CDH4: variants seen among roughly 807,000 people sequenced by gnomAD.
The protein encoded by CDH4 is cadherin 4, also known as cadherin-4.
In CDH4, 33 loss-of-function variants were observed where a neutral mutation model predicts 86.0. That is an observed-to-expected ratio of 0.38 (90% CI 0.29 to 0.51). CDH4 has a LOEUF of 0.51. CDH4 is among the 20% of genes least tolerant of loss of function. The probability of loss-of-function intolerance (pLI) is 0.86; values close to 1 mark genes in which losing one functional copy is unlikely to be tolerated. For synonymous variants in CDH4, 555 were observed against 549.4 expected (o/e 1.01, Z -0.14); for missense variants, 1,114 against 1,307.4 (o/e 0.85, Z 2.28).
chr20:61,855,664 T>C (rs1361446378), intron 6 of CDH4, among the ~76,000 whole-genome samples: 2 of 152,366 alleles, frequency 1.3e-5, no homozygotes, highest in East Asian at 3.9e-4. Context: ...AAAGCGCAAT[T>C]GGCTTTGCTC....
At chr20:61,283,553 G>A (rs1354673428) in intron 2 of CDH4, among the ~76,000 whole-genome samples, 3 of 132,856 alleles carry the variant, frequency 2.3e-5, no homozygotes, top group African/African-American at 5.6e-5. Flanking sequence ...GTGTGCTGTG[G>A]TGTGTGATGT....
intron 2 of CDH4, among the ~76,000 whole-genome samples, chr20:61,425,024 G>A (rs1273228735): frequency 3.3e-5 from 5 of 152,222 alleles, no homozygotes; most frequent in Non-Finnish European, 4.4e-5. Flanking sequence ...GTGCTGGCTC[G>A]TCCAGGAAAG....
Position 61,910,599 on chromosome 20 carries a change from G to T in CDH4, c.1366G>T (p.Val456Leu). 1.2e-6 allele frequency: 2 copies of T among 1,613,302 alleles called. No homozygotes were observed. Among genetic ancestry groups the T allele is most frequent in the Non-Finnish European group, 1.7e-6 (2 of 1,179,718 alleles). The change falls in exon 9 of 16, where the codon GTG becomes TTG. Residue 456 changes from valine to leucine, a missense_variant. This residue lies in a region of CDH4 where 705 missense variants were observed against 914.1 expected (regional missense o/e 0.77). Transcript: ENST00000614565. ...DPVTNEGMVTVVKAVDYELNR... is the reference protein window; with the variant it reads ...DPVTNEGMVTLVKAVDYELNR... ...CGTAACCAACGAGGGCATGGTCACCGTGGTGAAGGTGCGTACTCTTCTCAC... is the reference window on the plus strand; with the variant it reads ...CGTAACCAACGAGGGCATGGTCACCTTGGTGAAGGTGCGTACTCTTCTCAC...
rs116001316 is a variant in CDH4 at position 61,763,499 on chromosome 20, G to A, written c.397-9504G>A. On this transcript the variant is annotated intron_variant, in intron 3 of 15. Transcript: ENST00000614565. Reference sequence around the variant, plus strand: ...GTGCTCAGTTCAGGATTCCCAGGGAGCTCGTCCACCCTGCAGAGAGCCTCA... The same window carrying A: ...GTGCTCAGTTCAGGATTCCCAGGGAACTCGTCCACCCTGCAGAGAGCCTCA... 7.0e-3 allele frequency among the ~76,000 whole-genome samples: 1,071 copies of A among 152,344 alleles called. 19 individuals carry two copies. The highest frequency in any genetic ancestry group is 0.025 in the African/African-American group (1,028 of 41,584).
intron 2 of CDH4, among the ~76,000 whole-genome samples, chr20:61,514,042 G>A (rs6089406): frequency 0.023 from 3,524 of 152,360 alleles, 55 homozygotes; most frequent in South Asian, 0.044. Flanking sequence ...GTTTTTAAAG[G>A]CAGGGGCACG....
intron 2 of CDH4, among the ~76,000 whole-genome samples, chr20:61,345,803 A>G (rs1167634374): frequency 6.6e-6 from 1 of 152,206 alleles, no homozygotes; most frequent in African/African-American, 2.4e-5. Context: ...GTTACAAACT[A>G]GAGAGGTGGA....
intron 2 of CDH4, among the ~76,000 whole-genome samples, chr20:61,727,584 A>G (rs1333030796): frequency 2.0e-5 from 3 of 152,214 alleles, no homozygotes; most frequent in Admixed American, 2.0e-4. Context: ...TGCAGGCTAC[A>G]CAGGAAGTAT....
chr20:61,328,421 C>T (rs897599319), intron 2 of CDH4, among the ~76,000 whole-genome samples: 3 of 152,178 alleles, frequency 2.0e-5, no homozygotes, highest in Non-Finnish European at 2.9e-5. Context: ...GTGATCCACC[C>T]GCCTTGACCT....
chr20:61,789,138 G>C (rs1425084265), intron 4 of CDH4, among the ~76,000 whole-genome samples: 1 of 152,178 alleles, frequency 6.6e-6, no homozygotes, highest in Non-Finnish European at 1.5e-5. Context: ...CCAACCCGGG[G>C]AAAAGTCCTC....
Position 61,623,849 on chromosome 20 carries a change from A to AC in CDH4, c.170-119710dup, listed in dbSNP as rs1433439286. ...GGACACGGTTCCTAGAGCGAGGAAC[A>AC]CCCCAGAATCTGAGCAGGAAGGACA... is the stretch of plus-strand genomic sequence containing the variant. On this transcript the variant is annotated intron_variant, in intron 2 of 15. Coordinates refer to ENST00000614565, the MANE Select transcript of CDH4 (RefSeq NM_001794.5). This position sits in a 1 kb window ranked among gnomAD's most constrained non-coding sequence, Gnocchi z 4.4. 6.6e-6 allele frequency among the ~76,000 whole-genome samples: 1 copy of AC among 151,476 alleles called. No homozygotes were observed. Among genetic ancestry groups the AC allele is most frequent in the Non-Finnish European group, 1.5e-5 (1 of 67,898 alleles).
At chr20:61,542,217 A>T (rs2086044900) in intron 2 of CDH4, among the ~76,000 whole-genome samples, 1 of 152,158 alleles carries the variant, frequency 6.6e-6, no homozygotes, top group South Asian at 2.1e-4. Context: ...ATCCTGACTG[A>T]TAGAGGCTGC....
chr20:61,580,247 G>C (rs1241837781), intron 2 of CDH4, among the ~76,000 whole-genome samples: 2 of 152,278 alleles, frequency 1.3e-5, no homozygotes, highest in East Asian at 3.9e-4. Context: ...CTGAGGTCAT[G>C]AGTTCGAGAC....
intron 2 of CDH4, among the ~76,000 whole-genome samples, chr20:61,487,056 CAGG>C (rs2085600720): frequency 1.3e-5 from 2 of 152,128 alleles, no homozygotes; most frequent in Admixed American, 1.3e-4. Flanking sequence ...TGTTATCTTC[CAGG>C]AGTTTTATAG....
rs1022036508 is a variant in CDH4, at chr20:61,377,402, G to A, written c.169+122465G>A. Among the ~76,000 whole-genome samples, 7 of 151,994 alleles carry A rather than the reference G, an allele frequency of 4.6e-5. No individual in the cohort carries two copies. Among genetic ancestry groups the A allele is most frequent in the African/African-American group, 9.7e-5 (4 of 41,372 alleles). On this transcript the variant is annotated intron_variant, in intron 2 of 15. Coordinates refer to ENST00000614565, the MANE Select transcript of CDH4 (RefSeq NM_001794.5). This position sits in a 1 kb window ranked among gnomAD's most constrained non-coding sequence, Gnocchi z 4.0. ...TGTGGTCCAGGGCTCTGCCGGCCCC[G>A]CCTCCTGGTTGCCCCATTTCCTTCA...
intron 2 of CDH4, among the ~76,000 whole-genome samples, chr20:61,375,972 GGTA>G (rs1600914724): frequency 2.4e-5 from 2 of 84,868 alleles, no homozygotes; most frequent in Non-Finnish European, 5.2e-5. Context: ...TGGTGGTGAT[GGTA>G]TGGTTTGTTG....
At chr20:61,895,102 C>G in intron 8 of CDH4, 55 bp downstream of exon 8, 1 of 1,589,206 alleles carries the variant, frequency 6.3e-7, no homozygotes, top group South Asian at 1.1e-5. Context: ...CAGGAATGCA[C>G]TGGCGTGCGG....
chr20:61,640,822 T>C (rs1019352152), intron 2 of CDH4, among the ~76,000 whole-genome samples: 1 of 151,808 alleles, frequency 6.6e-6, no homozygotes, highest in Non-Finnish European at 1.5e-5. Context: ...GTAGCGGGAG[T>C]GTGGGCTACG....
rs6121988 is a variant in CDH4, at chr20:61,466,413, G to A, written c.169+211476G>A. 9.3e-3 allele frequency among the ~76,000 whole-genome samples: 1,417 copies of A among 152,280 alleles called. 24 individuals carry two copies. The highest frequency in any genetic ancestry group is 0.033 in the African/African-American group (1,378 of 41,550). On this transcript the variant is annotated intron_variant, in intron 2 of 15. Transcript: ENST00000614565. Reference sequence around the variant, plus strand: ...ATTGTAATAAGATCGTGCATAGCAGGTGCATCATATGACTAAAAGAAGAAA... The same window carrying A: ...ATTGTAATAAGATCGTGCATAGCAGATGCATCATATGACTAAAAGAAGAAA...
intron 8 of CDH4, among the ~76,000 whole-genome samples, chr20:61,897,552 G>C (rs1249443430): frequency 3.3e-5 from 5 of 152,100 alleles, no homozygotes; most frequent in Non-Finnish European, 7.4e-5. Flanking sequence ...CACCAGCACT[G>C]ACCAGCCACC....
Sources: allele counts gnomAD v4.1 joint callset (sites outside exome capture counted in the v4.1 genomes callset), GRCh38; gene constraint gnomAD v4.1.1; regional missense constraint gnomAD v4.1.1; non-coding constraint Gnocchi (gnomAD v3.1); transcripts MANE v1.5; gene names NCBI Gene and HGNC (gene_info 2026-07-23, HGNC 2026-07-21).